NR1D2: variants seen among roughly 807,000 people sequenced by gnomAD.
NR1D2 encodes the protein V-erbA-related protein 1-related.
Under a neutral mutation model 52.2 loss-of-function variants are expected in NR1D2, and 25 were observed. That is an observed-to-expected ratio of 0.48 (90% CI 0.35 to 0.67). The LOEUF (loss-of-function observed/expected upper bound fraction) is 0.67, where lower values mean the gene tolerates loss of function less well. Among genes scored for constraint, NR1D2 ranks in the 30% least tolerant of loss-of-function variants. NR1D2 has a pLI of 0.01. For synonymous variants in NR1D2, 259 were observed against 230.1 expected, an observed-to-expected ratio of 1.13 and a Z score of -1.14; for missense variants, 681 against 707.2, an observed-to-expected ratio of 0.96 and a Z score of 0.42.
intron 5 of NR1D2, 104 bp downstream of exon 5, chr3:23,962,709 C>A: frequency 9.0e-7 from 1 of 1,114,084 alleles, no homozygotes; most frequent in Non-Finnish European, 1.3e-6. Flanking sequence ...GTCAGGAAAC[C>A]TAAGAAATTT....
In NR1D2 at chr3:23,967,871, T is replaced by G; in HGVS notation, c.1391T>G (p.Leu464Ter). ...GCAAAGGAACGTACTGTCACCTTTT[T>G]AAGTGGAAAGAAATATAGTGTGGAT... ...FDAKERTVTF[L>*]SGKKYSVDDL... The change falls in exon 7 of 8, where the codon TTA (leucine) becomes TGA (stop). Residue 464 changes from leucine to a stop codon, truncating the protein, a stop_gained. Coordinates refer to ENST00000312521, the MANE Select transcript of NR1D2 (RefSeq NM_005126.5). LOFTEE classifies it high-confidence loss of function. 1 of 1,614,162 alleles carries G rather than the reference T, an allele frequency of 6.2e-7. No individual in the cohort carries two copies. The highest frequency in any genetic ancestry group is 1.1e-5 in the South Asian group (1 of 91,088).
intron 1 of NR1D2, among the ~76,000 whole-genome samples, chr3:23,947,034 T>C (rs1705749991): frequency 6.6e-6 from 1 of 152,258 alleles, no homozygotes; most frequent in Non-Finnish European, 1.5e-5. Context: ...ACTTATTTTT[T>C]TTAACCTGTT....
chr3:23,962,636 GT>G, intron 5 of NR1D2, 31 bp downstream of exon 5: 1 of 1,545,226 alleles, frequency 6.5e-7, no homozygotes, highest in South Asian at 1.2e-5. Context: ...TGCTTACATT[GT>G]ATCAGGGAAA....
chr3:23,958,499 G>T (rs1217500536), intron 3 of NR1D2, among the ~76,000 whole-genome samples: 1 of 152,106 alleles, frequency 6.6e-6, no homozygotes, highest in Non-Finnish European at 1.5e-5. Context: ...AAAAAAGCTG[G>T]ATGTGGTAGC....
chr3:23,975,289 A>ATTT, intron 7 of NR1D2, among the ~76,000 whole-genome samples: 1 of 142,920 alleles, frequency 7.0e-6, no homozygotes. Context: ...ATTCAATTAA[A>ATTT]TTTTTTTTTT....
At chr3:23,953,802 T>C (rs745495979) in intron 1 of NR1D2, among the ~76,000 whole-genome samples, 8 of 152,222 alleles carry the variant, frequency 5.3e-5, no homozygotes, top group Admixed American at 1.3e-4. Flanking sequence ...AATTCATTGT[T>C]TCTAGGATTG....
chr3:23,945,702 G>T, intron 1 of NR1D2, 108 bp downstream of exon 1: 2 of 710,772 alleles, frequency 2.8e-6, no homozygotes, highest in South Asian at 6.6e-5. Context: ...CGGTGGGGCG[G>T]GGTGGGCTGC....
chr3:23,945,838 A>T (rs1222684367), intron 1 of NR1D2, among the ~76,000 whole-genome samples: 3 of 149,450 alleles, frequency 2.0e-5, no homozygotes, highest in African/African-American at 4.9e-5. Context: ...CCCCCCTCAC[A>T]TGGCCCGGCC....
intron 1 of NR1D2, 123 bp downstream of exon 1, chr3:23,945,717 C>A: frequency 1.6e-6 from 1 of 632,738 alleles, no homozygotes; most frequent in Non-Finnish European, 2.1e-6. Flanking sequence ...GGCTGCTGCG[C>A]GCCGCGTGTC....
Position 23,968,074 on chromosome 3 carries a change from T to C in NR1D2, c.1543+51T>C, listed in dbSNP as rs777861619. ...CCACACCTAGCATATAGTGACCAAC[T>C]GGGGAGAAGATGGCAGTTAACAGGG... is the stretch of plus-strand genomic sequence containing the variant. On this transcript the variant is annotated intron_variant, in intron 7 of 7. Coordinates refer to ENST00000312521, the MANE Select transcript of NR1D2 (RefSeq NM_005126.5). 6 of 1,430,996 alleles carry C rather than the reference T, an allele frequency of 4.2e-6. No homozygotes were observed. The Admixed American group carries it at 6.7e-5, about 16-fold the overall frequency. 88.6% of individuals were successfully genotyped at this position (1,430,996 alleles called of 1,614,324 possible).
Position 23,954,690 on chromosome 3 carries a change from ATGGTGATCTCGC to A in NR1D2, c.171_182del (p.Gly58_Ala61del). The A allele has an allele frequency of 6.2e-7, 1 of 1,614,146 alleles. No homozygotes were observed. The highest frequency in any genetic ancestry group is 8.5e-7 in the Non-Finnish European group (1 of 1,179,978). On this transcript the variant is annotated inframe_deletion, in exon 2 of 8. Transcript: ENST00000312521. ...TCTGATACCAATGGTAATCCCAAGAATGGTGATCTCGCCAATATTGAAGGCATCTTGAAGAAT... is the reference window on the plus strand; with the variant it reads ...TCTGATACCAATGGTAATCCCAAGAACAATATTGAAGGCATCTTGAAGAAT...
chr3:23,951,228 T>G lies in NR1D2; in HGVS notation c.17-3309T>G, dbSNP rs574103320. Among the ~76,000 whole-genome samples, 15 of 152,276 alleles carry G rather than the reference T, an allele frequency of 9.9e-5. No homozygotes were observed. The South Asian group carries it at 2.9e-3, about 29-fold the overall frequency. ...CCAGCTCTAATTTCTAAAAGTTTAT[T>G]TCTTAGCTAAGGTAGTCAGCAGATC... is the stretch of plus-strand genomic sequence containing the variant. On this transcript the variant is annotated intron_variant, in intron 1 of 7. Transcript: ENST00000312521.
At chr3:23,976,909 T>A (rs1250236138) in intron 7 of NR1D2, among the ~76,000 whole-genome samples, 1 of 152,192 alleles carries the variant, frequency 6.6e-6, no homozygotes, top group Non-Finnish European at 1.5e-5. Flanking sequence ...TTTTGCTAAT[T>A]AGAAGCAGTT....
intron 7 of NR1D2, among the ~76,000 whole-genome samples, chr3:23,970,686 CA>C (rs1230892992): frequency 2.6e-5 from 4 of 152,156 alleles, no homozygotes; most frequent in Non-Finnish European, 5.9e-5. Context: ...ACTGTATGAA[CA>C]TATACAAGTA....
At chr3:23,958,804 C>A (rs759423501) in intron 3 of NR1D2, among the ~76,000 whole-genome samples, 54 of 151,650 alleles carry the variant, frequency 3.6e-4, no homozygotes, top group Admixed American at 2.0e-4. Flanking sequence ...AAAAAATTAG[C>A]CAGGTATGGT....
chr3:23,951,295 C>T (rs1013760596), intron 1 of NR1D2, among the ~76,000 whole-genome samples: 1 of 152,170 alleles, frequency 6.6e-6, no homozygotes, highest in Non-Finnish European at 1.5e-5. Context: ...CTAGGAAAGT[C>T]TTACTTCCAA....
At chr3:23,973,679 A>G (rs1473601522) in intron 7 of NR1D2, among the ~76,000 whole-genome samples, 2 of 152,180 alleles carry the variant, frequency 1.3e-5, no homozygotes, top group African/African-American at 2.4e-5. Flanking sequence ...TTCTTCCATA[A>G]TAAATTAACC....
chr3:23,946,202 A>T (rs1279186052), intron 1 of NR1D2: 2 of 985,352 alleles, frequency 2.0e-6, no homozygotes, highest in Non-Finnish European at 2.4e-6. Flanking sequence ...GGCGTCCCCG[A>T]AGCGGGCGCT....
chr3:23,974,874 A>C (rs1186403476), intron 7 of NR1D2, among the ~76,000 whole-genome samples: 1 of 149,102 alleles, frequency 6.7e-6, no homozygotes, highest in African/African-American at 2.5e-5. Context: ...GCTGGAGTGC[A>C]GGGGCATGAT....
Sources: gnomAD v4.1 joint callset for allele counts (sites outside exome capture counted in the v4.1 genomes callset) on GRCh38, gnomAD v4.1.1 for gene constraint, MANE v1.5 for transcripts, NCBI Gene and HGNC (gene_info 2026-07-23, HGNC 2026-07-21) for gene names.